DLGAP2: variants seen among roughly 807,000 people sequenced by gnomAD.
DLGAP2 encodes disks large-associated protein 2.
A neutral mutation model predicts 100.3 loss-of-function variants in DLGAP2; 26 were observed. The observed-to-expected ratio is 0.26, with a 90% CI of 0.19 to 0.36. The LOEUF (loss-of-function observed/expected upper bound fraction) is 0.36. Ranked by LOEUF, DLGAP2 falls within the 10% of genes least tolerant of loss-of-function variation. The probability of loss-of-function intolerance (pLI) is 1.00; values close to 1 mark genes in which losing one functional copy is unlikely to be tolerated. For synonymous variants in DLGAP2, 886 were observed against 630.1 expected, an observed-to-expected ratio of 1.41 and a Z score of -6.08; for missense variants, 1,858 against 1,453.2, an observed-to-expected ratio of 1.28 and a Z score of -4.53.
chr8:1,079,055 A>C lies in DLGAP2; in HGVS notation c.73+171089A>C, dbSNP rs189298470. Among the ~76,000 whole-genome samples the C allele has an allele frequency of 7.2e-5, 11 of 152,320 alleles. No homozygotes were observed. In the East Asian group the frequency reaches 2.1e-3, roughly 29 times the overall value. ...AGAGTTCCTGTTGCTCCATGTCCTC[A>C]CCAGCGTTTCATGCTGTCAGGGTCT... On this transcript the variant is annotated intron_variant, in intron 2 of 14. Transcript: ENST00000637795.
At chr8:1,290,982 C>G (rs887862200) in intron 3 of DLGAP2, among the ~76,000 whole-genome samples, 11 of 152,142 alleles carry the variant, frequency 7.2e-5, no homozygotes, top group Non-Finnish European at 1.5e-4. Context: ...AGAACTTTTT[C>G]TAGTAGACCA....
At chr8:952,064 C>A (rs17667613) in intron 2 of DLGAP2, among the ~76,000 whole-genome samples, 36,336 of 152,104 alleles carry the variant, frequency 0.24, 4,612 homozygotes, top group African/African-American at 0.31. Flanking sequence ...CTGACCTCTC[C>A]TTTTTGGTTG....
At chr8:793,262 G>C (rs1158527305) in intron 1 of DLGAP2, among the ~76,000 whole-genome samples, 2 of 152,152 alleles carry the variant, frequency 1.3e-5, no homozygotes, top group African/African-American at 4.8e-5. Flanking sequence ...TAATTTTACG[G>C]AGCATTGGAA....
chr8:987,859 T>C (rs1800532769), intron 2 of DLGAP2, among the ~76,000 whole-genome samples: 1 of 152,176 alleles, frequency 6.6e-6, no homozygotes, highest in Non-Finnish European at 1.5e-5. Context: ...ATCCTCTCTT[T>C]CAGCTGTTAA....
intron 1 of DLGAP2, among the ~76,000 whole-genome samples, chr8:740,704 C>T (rs1368325953): frequency 6.6e-6 from 1 of 152,136 alleles, no homozygotes; most frequent in East Asian, 1.9e-4. Flanking sequence ...AAGATATCAT[C>T]TTCCATAATG....
At chr8:1,501,305 G>T in intron 3 of DLGAP2, 61 bp from the exon 4 acceptor site, 1 of 1,500,110 alleles carries the variant, frequency 6.7e-7, no homozygotes, top group Non-Finnish European at 9.0e-7. Flanking sequence ...AGATGTGCAG[G>T]GAATGACTGC....
intron 3 of DLGAP2, among the ~76,000 whole-genome samples, chr8:1,450,924 G>C (rs1798142390): frequency 6.6e-6 from 1 of 152,112 alleles, no homozygotes; most frequent in Non-Finnish European, 1.5e-5. Flanking sequence ...CACTTTTTAT[G>C]TTGCTTCTCT....
intron 8 of DLGAP2, among the ~76,000 whole-genome samples, chr8:1,654,049 T>G (rs1798227147): frequency 6.6e-6 from 1 of 152,174 alleles, no homozygotes. Context: ...ATGTGCATGG[T>G]AAAAATAAAC....
intron 1 of DLGAP2, among the ~76,000 whole-genome samples, chr8:764,984 C>G (rs1390262870): frequency 6.6e-6 from 1 of 152,178 alleles, no homozygotes; most frequent in Non-Finnish European, 1.5e-5. Context: ...GTGGCTGTTA[C>G]TGATATAAAT....
intron 3 of DLGAP2, among the ~76,000 whole-genome samples, chr8:1,417,565 G>A (rs541926565): frequency 7.0e-5 from 10 of 143,628 alleles, no homozygotes; most frequent in African/African-American, 2.6e-4. Context: ...CCAGAACAGG[G>A]GAGGAGAGGA....
At chr8:1,071,594 A>C (rs551183409) in intron 2 of DLGAP2, among the ~76,000 whole-genome samples, 46 of 152,204 alleles carry the variant, frequency 3.0e-4, no homozygotes, top group African/African-American at 1.1e-3. Flanking sequence ...TTCTGTGTCT[A>C]ATTTTTTCCA....
intron 3 of DLGAP2, among the ~76,000 whole-genome samples, chr8:1,439,263 G>A (rs538036316): frequency 6.6e-6 from 1 of 152,344 alleles, no homozygotes; most frequent in Admixed American, 6.5e-5. Flanking sequence ...TGGCAGCCGG[G>A]TTCTGATGGA....
chr8:1,552,389 C>T (rs532441833), intron 5 of DLGAP2, among the ~76,000 whole-genome samples: 13 of 152,356 alleles, frequency 8.5e-5, no homozygotes, highest in Non-Finnish European at 1.9e-4. Context: ...CTTCTCTCCC[C>T]TCCTCACTGT....
intron 8 of DLGAP2, 41 bp downstream of exon 8, chr8:1,633,087 G>A (rs1250566940): frequency 1.2e-6 from 2 of 1,601,174 alleles, no homozygotes; most frequent in Non-Finnish European, 1.7e-6. Context: ...GGGGACTCTA[G>A]AGGCATACCT....
intron 1 of DLGAP2, among the ~76,000 whole-genome samples, chr8:856,187 T>TCTTCTTCTTC (rs1554433991): frequency 1.4e-4 from 7 of 51,584 alleles, no homozygotes; most frequent in African/African-American, 2.8e-4. Context: ...TTCTTCTTCT[T>TCTTCTTCTTC]TTTTTTTTTT....
chr8:1,673,940 C>G (rs1798750621), intron 10 of DLGAP2, among the ~76,000 whole-genome samples: 4 of 152,192 alleles, frequency 2.6e-5, no homozygotes, highest in African/African-American at 9.7e-5. Context: ...ATGCCTGTGA[C>G]TGCGAGTGTC....
intron 5 of DLGAP2, among the ~76,000 whole-genome samples, chr8:1,556,796 A>G (rs370773509): frequency 4.4e-4 from 67 of 152,368 alleles, no homozygotes; most frequent in African/African-American, 1.5e-3. Flanking sequence ...ACAAACAAAC[A>G]GGAAAGGAAA....
chr8:1,004,367 G>A (rs1801046377), intron 2 of DLGAP2, among the ~76,000 whole-genome samples: 1 of 152,222 alleles, frequency 6.6e-6, no homozygotes, highest in Non-Finnish European at 1.5e-5. Flanking sequence ...GTAAGCTACA[G>A]TGACATTTTA....
intron 2 of DLGAP2, among the ~76,000 whole-genome samples, chr8:1,073,521 T>C (rs550023042): frequency 7.9e-5 from 12 of 152,306 alleles, no homozygotes; most frequent in African/African-American, 2.9e-4. Context: ...AAACGGTTGA[T>C]TCAGGATAAA....
Sources: gnomAD v4.1 joint callset for allele counts (sites outside exome capture counted in the v4.1 genomes callset) on GRCh38, gnomAD v4.1.1 for gene constraint, MANE v1.5 for transcripts, NCBI Gene and HGNC (gene_info 2026-07-23, HGNC 2026-07-21) for gene names.